GPSM1: variants seen among roughly 807,000 people sequenced by gnomAD.
GPSM1 encodes G protein-signaling modulator 1.
In GPSM1, 48 loss-of-function variants were observed where a neutral mutation model predicts 70.5. The observed-to-expected ratio is 0.68, with a 90% confidence interval of 0.54 to 0.87. GPSM1 has a LOEUF of 0.87. Among genes scored for constraint, GPSM1 ranks in the 40% least tolerant of loss-of-function variants. The pLI is 0.00. For synonymous variants in GPSM1, 416 were observed against 430.1 expected, an observed-to-expected ratio of 0.97 and a Z score of 0.41; for missense variants, 981 against 972.6, an observed-to-expected ratio of 1.01 and a Z score of -0.11.
rs1832414331 is a variant in GPSM1, at chr9:136,342,431, CT to C, written c.1207+1439del. 6.6e-6 allele frequency among the ~76,000 whole-genome samples: 1 copy of C among 152,242 alleles called. No individual in the cohort carries two copies. Among genetic ancestry groups the C allele is most frequent in the Admixed American group, 6.5e-5 (1 of 15,294 alleles). The stretch of plus-strand genomic sequence containing the variant: ...GGAACAATGCAGCTTCTGTCCCTCT[CT>C]GGCTCCTCTGTGCCGCCCCGAGTGC... On this transcript the variant is annotated intron_variant, in intron 9 of 13. Coordinates refer to ENST00000440944, the MANE Select transcript of GPSM1 (RefSeq NM_001145638.3). The surrounding 1 kb of genome is among the most constrained non-coding windows in gnomAD (Gnocchi z 5.5).
In GPSM1 at chr9:136,334,628, C is replaced by G; in HGVS notation, c.250C>G (p.Arg84Gly). 1 of 1,612,678 alleles carries G rather than the reference C, an allele frequency of 6.2e-7. No individual in the cohort carries two copies. Among genetic ancestry groups the G allele is most frequent in the Non-Finnish European group, 8.5e-7 (1 of 1,179,942 alleles). Reference protein sequence around the residue: ...NAYFYLKEHGRALEYHKHDLL... With the variant: ...NAYFYLKEHGGALEYHKHDLL... ...CTACTTCTACCTGAAGGAGCACGGC[C>G]GGGCGCTGGAATACCACAAGCATGA... is the stretch of plus-strand genomic sequence containing the variant. Residue 84 changes from arginine to glycine, a missense_variant, in exon 2 of 14, where the codon CGG becomes GGG. Coordinates refer to ENST00000440944, the MANE Select transcript of GPSM1 (RefSeq NM_001145638.3).
rs1554772885 is a variant in GPSM1 at position 136,355,736 on chromosome 9, T to C, written c.1502T>C (p.Leu501Pro). Residue 501 changes from leucine (L) to proline (P), a missense_variant, in exon 12 of 14, where the codon CTG becomes CCG. Leu to Pro is a moderately conservative substitution (Grantham distance 98, BLOSUM62 -3). Transcript: ENST00000440944. ...PSSDEECFFD[L>P]LTKFQSSRMD... ...TCGGACGAGGAGTGCTTCTTTGACC[T>C]GTTGACCAAGTTCCAGAGCAGCCGC... 3.1e-6 allele frequency: 5 copies of C among 1,612,394 alleles called. No individual in the cohort carries two copies. Among genetic ancestry groups the C allele is most frequent in the African/African-American group, 1.3e-5 (1 of 74,998 alleles).
intron 1 of GPSM1, among the ~76,000 whole-genome samples, chr9:136,333,650 C>T (rs909704558): frequency 6.6e-6 from 1 of 152,152 alleles, no homozygotes; most frequent in Non-Finnish European, 1.5e-5. Context: ...GGTTAGGTGG[C>T]GCTCACACGG....
chr9:136,327,663 C>CGCTCCCG lies in GPSM1; in HGVS notation c.-25_-19dup, dbSNP rs1394350245. Reference sequence around the variant, plus strand: ...GGGCGGACGGCCACGGCGCGGGGGGCGCTCCCGGCTCCCGCTCCCGCGTCC... The same window carrying CGCTCCCG: ...GGGCGGACGGCCACGGCGCGGGGGGCGCTCCCGGCTCCCGGCTCCCGCTCCCGCGTCC... On this transcript the variant is annotated 5_prime_UTR_variant, in exon 1 of 14. Transcript: ENST00000440944. The CGCTCCCG allele has an allele frequency of 6.9e-6, 6 of 869,990 alleles. No individual in the cohort carries two copies. In the African/African-American group the frequency reaches 9.1e-5, roughly 13 times the overall value. The allele number at this position is 869,990 out of a possible 1,614,324, so 53.9% of individuals were successfully genotyped here. A position where few individuals can be genotyped will look rare whatever the true frequency, so the allele number is the denominator to read the frequency against.
chr9:136,331,453 G>T (rs1832098908), intron 1 of GPSM1, among the ~76,000 whole-genome samples: 1 of 152,024 alleles, frequency 6.6e-6, no homozygotes, highest in African/African-American at 2.4e-5. Flanking sequence ...TGGAGCAGAG[G>T]AGGCACAGGG....
intron 12 of GPSM1, 46 bp downstream of exon 12, chr9:136,355,892 G>C: frequency 6.6e-7 from 1 of 1,510,160 alleles, no homozygotes; most frequent in Non-Finnish European, 9.0e-7. Flanking sequence ...TTGTCTGCAG[G>C]GGCCAGGACC....
intron 11 of GPSM1, among the ~76,000 whole-genome samples, chr9:136,353,798 C>T (rs551521401): frequency 4.6e-5 from 7 of 152,280 alleles, no homozygotes; most frequent in African/African-American, 1.7e-4. Flanking sequence ...GTCATCATAG[C>T]CCAGGAGCCA....
At chr9:136,329,742 C>T (rs1307145672) in intron 1 of GPSM1, among the ~76,000 whole-genome samples, 1 of 152,190 alleles carries the variant, frequency 6.6e-6, no homozygotes, top group Non-Finnish European at 1.5e-5. Context: ...ACAGCGAGGC[C>T]CATGAATGTG....
In GPSM1 at chr9:136,341,491, C is replaced by T. The variant is rs59446242; in HGVS notation, c.1207+498C>T. On this transcript the variant is annotated intron_variant, in intron 9 of 13. Coordinates refer to ENST00000440944, the MANE Select transcript of GPSM1 (RefSeq NM_001145638.3). This position sits in a 1 kb window ranked among gnomAD's most constrained non-coding sequence, Gnocchi z 6.7. ...CTCATTCATGGACCGCTGGTCGTCCCATGCCGGTCAGCAGTGCTGCAGACA... is the reference window on the plus strand; with the variant it reads ...CTCATTCATGGACCGCTGGTCGTCCTATGCCGGTCAGCAGTGCTGCAGACA... The T allele has an allele frequency of 3.4e-3, 4,352 of 1,269,366 alleles. 123 individuals carry two copies. In the African/African-American group the frequency reaches 0.058, roughly 17 times the overall value. The allele number at this position is 1,269,366 out of a possible 1,614,324, so 78.6% of individuals were successfully genotyped here.
At chr9:136,349,956 C>T (rs1416805172) in intron 11 of GPSM1, among the ~76,000 whole-genome samples, 193 bp downstream of exon 11, 1 of 152,222 alleles carries the variant, frequency 6.6e-6, no homozygotes, top group Non-Finnish European at 1.5e-5. Flanking sequence ...CAGTGTTTAG[C>T]ATTGTGGTCG....
At chr9:136,330,691 C>T (rs1832079147) in intron 1 of GPSM1, among the ~76,000 whole-genome samples, 2 of 152,150 alleles carry the variant, frequency 1.3e-5, no homozygotes, top group African/African-American at 2.4e-5. Flanking sequence ...ATGTAGGTGA[C>T]GGCCTTGGGG....
chr9:136,356,470 A>G lies in GPSM1; in HGVS notation c.1741A>G (p.Ser581Gly). 1.2e-6 allele frequency: 2 copies of G among 1,611,760 alleles called. No homozygotes were observed. The highest frequency in any genetic ancestry group is 1.7e-6 in the Non-Finnish European group (2 of 1,179,332). Residue 581 changes from serine (S) to glycine (G), a missense_variant, in exon 13 of 14, where the codon AGC becomes GGC. Transcript: ENST00000440944. Reference sequence around the variant, plus strand: ...CCTGCCGGGGCTGCGAATCACCCACAGCAATGCAGGGCACCTCCGAGGCCA... The same window carrying G: ...CCTGCCGGGGCTGCGAATCACCCACGGCAATGCAGGGCACCTCCGAGGCCA... ...GSLPGLRITH[S>G]NAGHLRGHGE...
rs782379073 is a variant in GPSM1 at position 136,341,941 on chromosome 9, G to A, written c.1207+948G>A. The A allele has an allele frequency of 1.4e-4, 36 of 263,856 alleles. No homozygotes were observed. Among genetic ancestry groups the A allele is most frequent in the Non-Finnish European group, 2.0e-4 (34 of 170,084 alleles). The allele number at this position is 263,856 out of a possible 1,614,324, so 16.3% of individuals were successfully genotyped here. On this transcript the variant is annotated intron_variant, in intron 9 of 13. Transcript: ENST00000440944. The surrounding 1 kb of genome is among the most constrained non-coding windows in gnomAD (Gnocchi z 6.7). ...GCTGGGATTATAGGCGTGAGCCACC[G>A]TGCCCAGCCATCCCCTGGGTTTTTG...
rs1832399330 is a variant in GPSM1 at position 136,341,799 on chromosome 9, TTCTTA to T, written c.1207+813_1207+817del. 1 of 982,222 alleles carries T rather than the reference TTCTTA, an allele frequency of 1.0e-6. No homozygotes were observed. The highest frequency in any genetic ancestry group is 4.7e-5 in the South Asian group (1 of 21,226). The allele number at this position is 982,222 out of a possible 1,614,324, so 60.8% of individuals were successfully genotyped here. A position where few individuals can be genotyped will look rare whatever the true frequency, so the allele number is the denominator to read the frequency against. On this transcript the variant is annotated intron_variant, in intron 9 of 13. Coordinates refer to ENST00000440944, the MANE Select transcript of GPSM1 (RefSeq NM_001145638.3). This position sits in a 1 kb window ranked among gnomAD's most constrained non-coding sequence, Gnocchi z 6.7. ...GGTGCTGGGCTGCCGGAGTTTCTTT[TTCTTA>T]TCTTATTTTTAATAATTAAATGTTT... is the stretch of plus-strand genomic sequence containing the variant.
Position 136,358,244 on chromosome 9 carries a change from C to A in GPSM1, c.*24C>A. ...AAGGCCCTGTGCCCACCGCCAGGCC[C>A]ACCCTGCCCCCACTCCTGGACGCCG... On this transcript the variant is annotated 3_prime_UTR_variant, in exon 14 of 14. Coordinates refer to ENST00000440944, the MANE Select transcript of GPSM1 (RefSeq NM_001145638.3). 6.6e-7 allele frequency: 1 copy of A among 1,519,824 alleles called. No homozygotes were observed. The highest frequency in any genetic ancestry group is 8.8e-7 in the Non-Finnish European group (1 of 1,133,186). The allele number at this position is 1,519,824 out of a possible 1,614,324, so 94.1% of individuals were successfully genotyped here.
chr9:136,358,578 C>A lies in GPSM1; in HGVS notation c.*358C>A. 2.5e-6 allele frequency: 1 copy of A among 405,432 alleles called. No homozygotes were observed. Among genetic ancestry groups the A allele is most frequent in the East Asian group, 5.5e-5 (1 of 18,254 alleles). 25.1% of individuals were successfully genotyped at this position (405,432 alleles called of 1,614,324 possible). On this transcript the variant is annotated 3_prime_UTR_variant, in exon 14 of 14. Transcript: ENST00000440944. ...TGTGAAACCCTGCTGTCTCCCCCAC[C>A]CTCCCCAAAGGTGTCTCTGAGCCGC...
chr9:136,357,028 C>A (rs3923827), intron 13 of GPSM1, among the ~76,000 whole-genome samples: 1 of 152,168 alleles, frequency 6.6e-6, no homozygotes, highest in South Asian at 2.1e-4. Flanking sequence ...ACGGCATGGG[C>A]GGAGGGTCCA....
chr9:136,349,955 G>C (rs1832619513), intron 11 of GPSM1, among the ~76,000 whole-genome samples, 192 bp downstream of exon 11: 1 of 152,218 alleles, frequency 6.6e-6, no homozygotes, highest in Non-Finnish European at 1.5e-5. Context: ...TCAGTGTTTA[G>C]CATTGTGGTC....
chr9:136,349,452 T>A, intron 10 of GPSM1, 135 bp from the exon 11 acceptor site: 1 of 783,380 alleles, frequency 1.3e-6, no homozygotes, highest in Non-Finnish European at 2.0e-6. Flanking sequence ...CCCAGTCCTC[T>A]CCTCCTCTCT....
Sources: allele counts gnomAD v4.1 joint callset (sites outside exome capture counted in the v4.1 genomes callset), GRCh38; gene constraint gnomAD v4.1.1; non-coding constraint Gnocchi (gnomAD v3.1); transcripts MANE v1.5; gene names NCBI Gene and HGNC (gene_info 2026-07-23, HGNC 2026-07-21).